THTPA: variants seen among roughly 807,000 people sequenced by gnomAD.
THTPA encodes thiamine triphosphatase, also known as thiamine-triphosphatase.
Under a neutral mutation model 16.5 loss-of-function variants are expected in THTPA, and 16 were observed. The ratio of observed to expected loss-of-function variants is 0.97; its 90% CI spans 0.66 to 1.47. THTPA has a LOEUF of 1.47. Among genes scored for constraint, THTPA ranks in the 40% most tolerant of loss-of-function variants. THTPA has a pLI of 0.00. For synonymous variants in THTPA, 110 were observed against 115.5 expected (o/e 0.95, Z 0.30); for missense variants, 281 against 280.9 (o/e 1.00, Z 0.00).
the THTPA span, among the ~76,000 whole-genome samples, chr14:23,519,545 ATC>A: frequency 2.0e-5 from 3 of 152,090 alleles, no homozygotes; most frequent in African/African-American, 7.2e-5. Context: ...TGTTGCCTAG[ATC>A]TGTGACTGGC....
chr14:23,521,585 T>C, the THTPA span: 1 of 203,848 alleles, frequency 4.9e-6, no homozygotes, highest in Non-Finnish European at 9.9e-6. Context: ...TGTGTATGCA[T>C]TTATGGGGAT....
Position 23,560,073 on chromosome 14 carries a change from T to A in THTPA, c.*1233T>A. The A allele has an allele frequency of 6.8e-7, 1 of 1,477,330 alleles. No individual in the cohort carries two copies. Among genetic ancestry groups the A allele is most frequent in the Non-Finnish European group, 9.4e-7 (1 of 1,066,894 alleles). 91.5% of individuals were successfully genotyped at this position (1,477,330 alleles called of 1,614,324 possible). A position where few individuals can be genotyped will look rare whatever the true frequency, so the allele number is the denominator to read the frequency against. On this transcript the variant is annotated 3_prime_UTR_variant, in exon 2 of 2. Coordinates refer to ENST00000288014, the MANE Select transcript of THTPA (RefSeq NM_024328.6). ...AGTTTAACAGAGCACAGTATGGCAGTAGGTAGGGCTCAGGCAGCCCCTCTA... is the reference window on the plus strand; with the variant it reads ...AGTTTAACAGAGCACAGTATGGCAGAAGGTAGGGCTCAGGCAGCCCCTCTA...
upstream of THTPA, among the ~76,000 whole-genome samples, chr14:23,553,851 G>A (rs559764086): frequency 6.6e-5 from 10 of 151,826 alleles, no homozygotes; most frequent in South Asian, 6.2e-4. Context: ...CCGAGATGGC[G>A]CCACTACACT....
At chr14:23,523,806 C>G in the THTPA span, 248 of 1,536,258 alleles carry the variant, frequency 1.6e-4, 1 homozygote, top group African/African-American at 3.0e-3. The surrounding 1 kb of genome is among the most constrained non-coding windows in gnomAD (Gnocchi z 4.1). Context: ...GTCCCTCCAG[C>G]CCCAGGGGAT....
the THTPA span, chr14:23,528,623 CCCTA>C: frequency 1.0e-6 from 1 of 985,440 alleles, no homozygotes; most frequent in Non-Finnish European, 1.2e-6. Context: ...TGGAAAGGGG[CCCTA>C]CCTGTCTGCT....
At chr14:23,523,227 C>T in the THTPA span, 2 of 1,430,674 alleles carry the variant, frequency 1.4e-6, no homozygotes, top group Non-Finnish European at 1.8e-6. This position sits in a 1 kb window ranked among gnomAD's most constrained non-coding sequence, Gnocchi z 4.1. Context: ...GCTAAGTTGC[C>T]CAGCGGGGGC....
chr14:23,546,308 CA>C, the THTPA span, among the ~76,000 whole-genome samples: 1 of 152,180 alleles, frequency 6.6e-6, no homozygotes, highest in Non-Finnish European at 1.5e-5. This position sits in a 1 kb window ranked among gnomAD's most constrained non-coding sequence, Gnocchi z 4.7. Context: ...GTGTTCCTGC[CA>C]AATACAGAAA....
the THTPA span, chr14:23,533,170 A>G: frequency 6.9e-7 from 1 of 1,447,162 alleles, no homozygotes; most frequent in Non-Finnish European, 9.1e-7. This position sits in a 1 kb window ranked among gnomAD's most constrained non-coding sequence, Gnocchi z 4.8. Flanking sequence ...AATGAGTAGG[A>G]TAGTGCTCAG....
the THTPA span, among the ~76,000 whole-genome samples, chr14:23,547,538 G>A: frequency 3.9e-5 from 6 of 152,090 alleles, no homozygotes; most frequent in African/African-American, 1.4e-4. Context: ...GTTCATTCAT[G>A]TTTTCCTCCA....
chr14:23,557,285 C>T lies in THTPA; in HGVS notation c.528C>T (p.His176=). The part of the protein sequence containing the change: ...AEVPTALEKI[H]RLSSMLGVPA... ...TACCAACTGCCCTAGAGAAGATCCA[C>T]AGGCTCAGCAGCATGCTTGGTGAGG... Residue 176 remains histidine, a synonymous_variant, in exon 1 of 2, where the codon CAC becomes CAT. Transcript: ENST00000288014. 6.3e-7 allele frequency: 1 copy of T among 1,599,404 alleles called. No homozygotes were observed. The highest frequency in any genetic ancestry group is 8.5e-7 in the Non-Finnish European group (1 of 1,175,258).
At position 23,559,050 on chromosome 14, in the gene THTPA, C is replaced by T; in HGVS notation, c.*210C>T. ...TCCGTCAGATGCAATCTGTGGGCCG[C>T]CCCTCTCCCCTGGCCGCTAAGCAGC... is the stretch of plus-strand genomic sequence containing the variant. On this transcript the variant is annotated 3_prime_UTR_variant, in exon 2 of 2. Coordinates refer to ENST00000288014, the MANE Select transcript of THTPA (RefSeq NM_024328.6). 1.7e-6 allele frequency: 1 copy of T among 594,586 alleles called. No individual in the cohort carries two copies. The highest frequency in any genetic ancestry group is 2.9e-6 in the Non-Finnish European group (1 of 343,024). The allele number at this position is 594,586 out of a possible 1,614,324, so 36.8% of individuals were successfully genotyped here.
the THTPA span, among the ~76,000 whole-genome samples, chr14:23,540,064 T>C: frequency 6.6e-6 from 1 of 152,250 alleles, no homozygotes; most frequent in Non-Finnish European, 1.5e-5. Flanking sequence ...CTTGTCTCAC[T>C]GCAGACTCTG....
chr14:23,527,628 C>T, the THTPA span: 5 of 1,536,632 alleles, frequency 3.3e-6, no homozygotes, highest in Non-Finnish European at 4.4e-6. Flanking sequence ...TCTCAACGCA[C>T]TCGGGCACCA....
At position 23,558,780 on chromosome 14, in the gene THTPA, A is replaced by C. The variant is rs755400599; in HGVS notation, c.633A>C (p.Glu211Asp). The change falls in exon 2 of 2, where the codon GAA becomes GAC. Residue 211 changes from glutamate to aspartate, a missense_variant. Coordinates refer to ENST00000288014, the MANE Select transcript of THTPA (RefSeq NM_024328.6). Reference protein sequence around the residue: ...FRPQDYQRLLEVNSSRERPQE... With the variant: ...FRPQDYQRLLDVNSSRERPQE... ...CTCAAGACTATCAGCGCCTGCTAGA[A>C]GTGAACAGCTCCAGAGAGAGGCCAC... The C allele has an allele frequency of 6.2e-7, 1 of 1,614,214 alleles. No homozygotes were observed. The highest frequency in any genetic ancestry group is 8.5e-7 in the Non-Finnish European group (1 of 1,180,036).
upstream of THTPA, among the ~76,000 whole-genome samples, chr14:23,552,788 ACGG>A (rs1325371920): frequency 1.3e-5 from 2 of 149,798 alleles, no homozygotes; most frequent in Non-Finnish European, 3.0e-5. Flanking sequence ...TTTAGTAGAG[ACGG>A]GGGTTTCACC....
At chr14:23,517,556 G>A in the THTPA span, among the ~76,000 whole-genome samples, 1 of 152,082 alleles carries the variant, frequency 6.6e-6, no homozygotes. Flanking sequence ...CCCAATACCT[G>A]GCCATTCGCA....
chr14:23,522,119 C>T, the THTPA span: 30 of 1,531,970 alleles, frequency 2.0e-5, no homozygotes, highest in South Asian at 1.1e-4. Flanking sequence ...GGCTGCCTTG[C>T]GCCTGTGGGC....
At chr14:23,552,579 C>T (rs1882056135), upstream of THTPA, among the ~76,000 whole-genome samples, 2 of 151,912 alleles carry the variant, frequency 1.3e-5, no homozygotes, top group South Asian at 4.2e-4. Flanking sequence ...GTGTGAACCA[C>T]CACCGCGCCC....
At chr14:23,533,372 G>T in the THTPA span, 4 of 1,454,682 alleles carry the variant, frequency 2.7e-6, no homozygotes, top group Non-Finnish European at 3.6e-6. The surrounding 1 kb of genome is among the most constrained non-coding windows in gnomAD (Gnocchi z 4.8). Context: ...TCTGGCCTCA[G>T]CCCCGGGCCA....
Sources: gnomAD v4.1 joint callset for allele counts (sites outside exome capture counted in the v4.1 genomes callset) on GRCh38, gnomAD v4.1.1 for gene constraint, Gnocchi (gnomAD v3.1) non-coding constraint, MANE v1.5 for transcripts, NCBI Gene and HGNC (gene_info 2026-07-23, HGNC 2026-07-21) for gene names.